CKAP5: variants seen among roughly 807,000 people sequenced by gnomAD.
CKAP5 encodes cytoskeleton-associated protein 5.
In CKAP5, 27 loss-of-function variants were observed where a neutral mutation model predicts 232.8. The ratio of observed to expected loss-of-function variants is 0.12; its 90% CI spans 0.09 to 0.16. CKAP5 has a LOEUF of 0.16. Ranked by LOEUF, CKAP5 falls within the 10% of genes least tolerant of loss-of-function variation. CKAP5 has a pLI of 1.00. For missense variants in CKAP5, 1,838 were observed against 2,424.7 expected, an observed-to-expected ratio of 0.76 and a Z score of 5.08; for synonymous variants, 785 against 841.1, an observed-to-expected ratio of 0.93 and a Z score of 1.16.
At chr11:46,784,762 T>C (rs546751104) in intron 16 of CKAP5, 89 bp from the exon 17 acceptor site, 2 of 920,736 alleles carry the variant, frequency 2.2e-6, no homozygotes, top group South Asian at 3.5e-5. Flanking sequence ...AGATATGACA[T>C]GGTTAGGGAC....
At chr11:46,764,282 T>C (rs1048219974) in intron 28 of CKAP5, among the ~76,000 whole-genome samples, 1 of 152,228 alleles carries the variant, frequency 6.6e-6, no homozygotes, top group East Asian at 1.9e-4. Context: ...GAGTTTAATA[T>C]AGATACACTC....
intron 2 of CKAP5, among the ~76,000 whole-genome samples, chr11:46,818,797 T>C (rs1165200364): frequency 1.3e-5 from 2 of 152,212 alleles, no homozygotes; most frequent in Non-Finnish European, 2.9e-5. Context: ...CTTTATAATA[T>C]TGTATTAAAG....
At chr11:46,762,453 T>A (rs1305036813) in intron 31 of CKAP5, 174 bp downstream of exon 31, 1 of 923,142 alleles carries the variant, frequency 1.1e-6, no homozygotes, top group East Asian at 2.4e-5. Context: ...GGTGCCTGTA[T>A]CACCTGATAC....
At position 46,783,296 on chromosome 11, in the gene CKAP5, T is replaced by C. The variant is rs138802210; in HGVS notation, c.2227A>G (p.Ile743Val). ...SETLNWLSNA[I>V]KEFGFSGLNV... ...TACCCAGAAAAACCAAATTCTTTTA[T>C]GGCATTTGATAGCCAATTCAGAGTT... Residue 743 changes from isoleucine to valine, a missense_variant, in exon 18 of 44, where the codon ATA (isoleucine) becomes GTA (valine). This residue lies in a region of CKAP5 where 767 missense variants were observed against 954.6 expected (regional missense o/e 0.80). Transcript: ENST00000529230. 19 of 1,610,496 alleles carry C rather than the reference T, an allele frequency of 1.2e-5. No individual in the cohort carries two copies. In the African/African-American group the frequency reaches 2.4e-4, roughly 20 times the overall value.
At chr11:46,821,363 C>T (rs1939520838) in intron 1 of CKAP5, 95 bp from the exon 2 acceptor site, 1 of 517,910 alleles carries the variant, frequency 1.9e-6, no homozygotes, top group Non-Finnish European at 3.4e-6. Context: ...ATTCATGCAA[C>T]AACAAGAGTA....
intron 1 of CKAP5, among the ~76,000 whole-genome samples, chr11:46,824,369 A>G (rs946329259): frequency 1.3e-5 from 2 of 152,200 alleles, no homozygotes; most frequent in African/African-American, 4.8e-5. Context: ...ACAGTCTGGA[A>G]AACAGTATGG....
intron 35 of CKAP5, among the ~76,000 whole-genome samples, chr11:46,758,493 G>A (rs1412384577): frequency 1.3e-5 from 2 of 152,086 alleles, no homozygotes; most frequent in Non-Finnish European, 1.5e-5. Context: ...CTTGTTAGCT[G>A]CTGTTTTATC....
At chr11:46,760,258 C>CT in intron 33 of CKAP5, 1 of 369,700 alleles carries the variant, frequency 2.7e-6, no homozygotes, top group Non-Finnish European at 5.2e-6. Flanking sequence ...ATTATAAACT[C>CT]TAAGCTAGTC....
intron 3 of CKAP5, among the ~76,000 whole-genome samples, chr11:46,817,240 G>T (rs539087239): frequency 7.8e-4 from 119 of 152,184 alleles, no homozygotes; most frequent in African/African-American, 2.8e-3. Flanking sequence ...TCAGCCTCCT[G>T]AGTAGCTAGG....
At chr11:46,783,041 G>C (rs2065356995) in intron 18 of CKAP5, 1 of 273,272 alleles carries the variant, frequency 3.7e-6, no homozygotes, top group Non-Finnish European at 6.8e-6. Flanking sequence ...CTGTGGGACA[G>C]CTATTAATGC....
Position 46,744,209 on chromosome 11 carries a change from G to A in CKAP5, c.5913C>T (p.Val1971=), listed in dbSNP as rs1167337825. ...TGTGGAGCATGTCTGTGGAAGAGGC[G>A]ACAGTAGGAACTGCTGGTTTGGAGA... ...SLLSKPAVPT[V]ASSTDMLHSK... Residue 1971 remains valine (V), a synonymous_variant, in exon 44 of 44, where the codon GTC becomes GTT. Coordinates refer to ENST00000529230, the MANE Select transcript of CKAP5 (RefSeq NM_001008938.4). The A allele has an allele frequency of 8.7e-6, 14 of 1,613,998 alleles. No individual in the cohort carries two copies. Among genetic ancestry groups the A allele is most frequent in the East Asian group, 2.2e-5 (1 of 44,890 alleles).
chr11:46,755,187 T>C (rs2065101378), intron 35 of CKAP5, 120 bp from the exon 36 acceptor site: 7 of 673,712 alleles, frequency 1.0e-5, no homozygotes, highest in Admixed American at 3.9e-5. Context: ...AAGTCTTACC[T>C]TAAAAAAAAG....
intron 24 of CKAP5, among the ~76,000 whole-genome samples, chr11:46,772,592 A>G (rs1180498858): frequency 1.3e-5 from 2 of 152,116 alleles, no homozygotes; most frequent in African/African-American, 4.8e-5. Context: ...AAATTAGTTG[A>G]TATTAGTGTG....
chr11:46,753,152 T>C, intron 37 of CKAP5, 158 bp downstream of exon 37: 1 of 542,290 alleles, frequency 1.8e-6, no homozygotes, highest in Non-Finnish European at 3.2e-6. Context: ...TTTTAACTGA[T>C]ATAGTTATAA....
At chr11:46,830,849 G>A (rs547638728) in intron 1 of CKAP5, among the ~76,000 whole-genome samples, 1 of 152,240 alleles carries the variant, frequency 6.6e-6, no homozygotes, top group African/African-American at 2.4e-5. Context: ...CGGATCACGA[G>A]GTCAGGAGAT....
At chr11:46,841,649 C>T (rs1240700355) in intron 1 of CKAP5, among the ~76,000 whole-genome samples, 3 of 152,116 alleles carry the variant, frequency 2.0e-5, no homozygotes, top group African/African-American at 7.2e-5. Flanking sequence ...AGAGATGGAT[C>T]CAACTGCCTG....
At chr11:46,789,056 T>G (rs1020554153) in intron 15 of CKAP5, among the ~76,000 whole-genome samples, 2 of 152,264 alleles carry the variant, frequency 1.3e-5, no homozygotes, top group African/African-American at 4.8e-5. Flanking sequence ...AATAGTTTGC[T>G]CCATGCAAAA....
chr11:46,763,090 G>A lies in CKAP5; in HGVS notation c.3777C>T (p.Ser1259=), dbSNP rs1007560549. 2.5e-6 allele frequency: 4 copies of A among 1,613,044 alleles called. No homozygotes were observed. The highest frequency in any genetic ancestry group is 2.2e-5 in the East Asian group (1 of 44,866). Residue 1259 remains serine, a synonymous_variant, in exon 30 of 44, where the codon AGC becomes AGT. Coordinates refer to ENST00000529230, the MANE Select transcript of CKAP5 (RefSeq NM_001008938.4). ...AATATTCTAGTGCTTTCATCAGGACGCTTGTATTGGTGTCAAAAAACCTCA... is the reference window on the plus strand; with the variant it reads ...AATATTCTAGTGCTTTCATCAGGACACTTGTATTGGTGTCAAAAAACCTCA... ...LTLRFFDTNT[S]VLMKALEYLK...
At chr11:46,748,889 T>C (rs919525573) in intron 42 of CKAP5, among the ~76,000 whole-genome samples, 6 of 151,870 alleles carry the variant, frequency 4.0e-5, no homozygotes, top group African/African-American at 1.4e-4. Flanking sequence ...TGGAGTGCAG[T>C]GATGCGATCT....
Sources: allele counts gnomAD v4.1 joint callset (sites outside exome capture counted in the v4.1 genomes callset), GRCh38; gene constraint gnomAD v4.1.1; regional missense constraint gnomAD v4.1.1; transcripts MANE v1.5; gene names NCBI Gene and HGNC (gene_info 2026-07-23, HGNC 2026-07-21).